Variants in GAB4 observed in about 807,000 individuals in gnomAD.
GAB4 encodes GRB2-associated-binding protein 4.
In GAB4, 26 loss-of-function variants were observed where a neutral mutation model predicts 51.3. The ratio of observed to expected loss-of-function variants is 0.51; its 90% CI spans 0.37 to 0.70. GAB4 has a LOEUF of 0.70. GAB4 is among the 30% of genes least tolerant of loss of function. GAB4 has a pLI of 0.00. For missense variants in GAB4, 759 were observed against 734.6 expected, an observed-to-expected ratio of 1.03 and a Z score of -0.38; for synonymous variants, 329 against 291.2, an observed-to-expected ratio of 1.13 and a Z score of -1.32.
chr22:16,963,656 G>A (rs2060647302), intron 9 of GAB4, 69 bp downstream of exon 9: 2 of 1,128,136 alleles, frequency 1.8e-6, no homozygotes, highest in Non-Finnish European at 2.6e-6. Context: ...CGGTGCTGAA[G>A]GGCCTGGCCC....
At chr22:16,964,637 TAGG>T (rs2060656569) in intron 8 of GAB4, 126 bp downstream of exon 8, 5 of 624,308 alleles carry the variant, frequency 8.0e-6, no homozygotes, top group Admixed American at 2.9e-5. Context: ...GAGCTTGCAA[TAGG>T]AGACCAAATC....
intron 1 of GAB4, among the ~76,000 whole-genome samples, chr22:17,007,730 C>G (rs1430928030): frequency 6.6e-6 from 1 of 152,186 alleles, no homozygotes; most frequent in African/African-American, 2.4e-5. Context: ...GGTCCCCAGC[C>G]CTGGAATCAA....
intron 3 of GAB4, among the ~76,000 whole-genome samples, chr22:16,972,336 T>C (rs1241126723): frequency 6.6e-6 from 1 of 152,144 alleles, no homozygotes; most frequent in Non-Finnish European, 1.5e-5. Context: ...TCCATCTGAG[T>C]GAGCCCGGAA....
In GAB4 at chr22:16,966,086, G is replaced by A; in HGVS notation, c.1288+14C>T. The A allele has an allele frequency of 6.2e-7, 1 of 1,612,310 alleles. No homozygotes were observed. Among genetic ancestry groups the A allele is most frequent in the Non-Finnish European group, 8.5e-7 (1 of 1,178,986 alleles). The stretch of plus-strand genomic sequence containing the variant: ...CCTGGACATTGTCAAGAAATAGAAT[G>A]GGGAAAGACTTACCCTTCTGGTTAG... On this transcript the variant is annotated intron_variant, in intron 6 of 9. Coordinates refer to ENST00000400588, the MANE Select transcript of GAB4 (RefSeq NM_001037814.1).
chr22:16,970,544 C>T (rs2060722245), intron 3 of GAB4, among the ~76,000 whole-genome samples: 1 of 152,166 alleles, frequency 6.6e-6, no homozygotes, highest in East Asian at 1.9e-4. Flanking sequence ...GTTTCACCCC[C>T]ACAAAACAGA....
intron 3 of GAB4, among the ~76,000 whole-genome samples, chr22:16,977,481 C>A (rs7511384): frequency 2.6e-4 from 39 of 152,076 alleles, no homozygotes; most frequent in Admixed American, 2.6e-3. Context: ...GTTAACTATC[C>A]TAAATATATA....
chr22:17,002,992 C>T (rs759807768), intron 1 of GAB4, among the ~76,000 whole-genome samples: 1 of 152,186 alleles, frequency 6.6e-6, no homozygotes, highest in East Asian at 1.9e-4. Context: ...AGAATATTTA[C>T]CAAGCAAATG....
At position 16,988,217 on chromosome 22, in the gene GAB4, T is replaced by C. The variant is rs1190044099; in HGVS notation, c.479-50A>G. 3.1e-6 allele frequency: 4 copies of C among 1,278,888 alleles called. No homozygotes were observed. The African/African-American group carries it at 4.4e-5, about 14-fold the overall frequency. The allele number at this position is 1,278,888 out of a possible 1,614,324, so 79.2% of individuals were successfully genotyped here. A position where few individuals can be genotyped will look rare whatever the true frequency, so the allele number is the denominator to read the frequency against. On this transcript the variant is annotated intron_variant, in intron 2 of 9. Transcript: ENST00000400588. ...GCATCCTTGTCCTAAAGTGGGCTGCTAGAGGCAGAAACACATGAAGACAGT... is the reference window on the plus strand; with the variant it reads ...GCATCCTTGTCCTAAAGTGGGCTGCCAGAGGCAGAAACACATGAAGACAGT...
rs781498221 is a variant in GAB4, at chr22:16,964,751, C to A, written c.1476+15G>T. 5.3e-5 allele frequency: 83 copies of A among 1,554,460 alleles called. No individual in the cohort carries two copies. Among genetic ancestry groups the A allele is most frequent in the Non-Finnish European group, 7.1e-5 (81 of 1,138,156 alleles). The stretch of plus-strand genomic sequence containing the variant: ...GACTCTGATAGGAGCCTTACAGTGA[C>A]CCCCAAGGACTCACCGGGAAAAGAT... On this transcript the variant is annotated intron_variant, in intron 8 of 9. Transcript: ENST00000400588.
At chr22:16,991,382 G>A (rs1001369601) in intron 2 of GAB4, among the ~76,000 whole-genome samples, 30 of 151,320 alleles carry the variant, frequency 2.0e-4, no homozygotes, top group Non-Finnish European at 3.1e-4. Context: ...GAACAAATGT[G>A]AAGGAGCATT....
intron 1 of GAB4, among the ~76,000 whole-genome samples, chr22:17,003,235 A>G (rs1486990940): frequency 6.6e-6 from 1 of 152,160 alleles, no homozygotes; most frequent in Non-Finnish European, 1.5e-5. Context: ...ATAGTGGGAG[A>G]CTTTAACACC....
chr22:16,994,429 G>C (rs544534602), intron 1 of GAB4, among the ~76,000 whole-genome samples: 4 of 152,310 alleles, frequency 2.6e-5, no homozygotes. Flanking sequence ...AAGTATTGCC[G>C]AGGCTGCTGC....
At position 16,969,988 on chromosome 22, in the gene GAB4, C is replaced by T; in HGVS notation, c.892G>A (p.Gly298Ser). ...HRIPWSLASH[G>S]HTRGSLTGSE... ...CCTGTGAGGCTGCCTCTGGTGTGGC[C>T]ATGGGAGGCCAGGCTCCAGGGGATT... The change falls in exon 4 of 10, where the codon GGC (glycine) becomes AGC (serine). Residue 298 changes from glycine (G) to serine (S), a missense_variant. Gly to Ser is a moderately conservative substitution (Grantham distance 56). Coordinates refer to ENST00000400588, the MANE Select transcript of GAB4 (RefSeq NM_001037814.1). 8.7e-6 allele frequency: 14 copies of T among 1,614,156 alleles called. No homozygotes were observed. The highest frequency in any genetic ancestry group is 1.2e-5 in the Non-Finnish European group (14 of 1,180,014).
chr22:17,004,913 T>G (rs2123730768), intron 1 of GAB4, among the ~76,000 whole-genome samples: 1 of 152,302 alleles, frequency 6.6e-6, no homozygotes, highest in East Asian at 1.9e-4. Context: ...GGGCAAAAGC[T>G]AGAAGGATTC....
intron 3 of GAB4, among the ~76,000 whole-genome samples, chr22:16,977,907 A>G (rs1400057031): frequency 6.6e-6 from 1 of 152,244 alleles, no homozygotes; most frequent in Non-Finnish European, 1.5e-5. Context: ...ATGGAAACTG[A>G]ACAACCTGTT....
At chr22:16,981,812 A>C (rs2060829570) in intron 3 of GAB4, among the ~76,000 whole-genome samples, 1 of 152,182 alleles carries the variant, frequency 6.6e-6, no homozygotes, top group African/African-American at 2.4e-5. Context: ...ACAACAAAAA[A>C]AGAAAACATC....
At chr22:16,966,415 T>C (rs753222414) in intron 5 of GAB4, 51 bp from the exon 6 acceptor site, 15 of 1,560,954 alleles carry the variant, frequency 9.6e-6, no homozygotes, top group African/African-American at 1.4e-5. Flanking sequence ...AAGAACAAGA[T>C]AGGAATGAGA....
chr22:16,990,217 T>C (rs1221160345), intron 2 of GAB4, among the ~76,000 whole-genome samples: 1 of 152,184 alleles, frequency 6.6e-6, no homozygotes, highest in African/African-American at 2.4e-5. Flanking sequence ...ATATTTCTGT[T>C]TATTTCTTCA....
chr22:16,966,062 C>G (rs371738285), intron 6 of GAB4, 38 bp downstream of exon 6: 167 of 1,604,220 alleles, frequency 1.0e-4, no homozygotes, highest in Non-Finnish European at 1.1e-5. Context: ...TGCAGAGTCC[C>G]TGGACATTGT....
Sources: allele counts gnomAD v4.1 joint callset (sites outside exome capture counted in the v4.1 genomes callset), GRCh38; gene constraint gnomAD v4.1.1; transcripts MANE v1.5; gene names NCBI Gene and HGNC (gene_info 2026-07-23, HGNC 2026-07-21).